Variants in TPD52 observed in about 807,000 individuals in gnomAD.
TPD52 encodes the protein tumor protein D52.
TPD52 carries 17 observed loss-of-function variants against 31.3 expected under a neutral mutation model. The observed-to-expected ratio is 0.54, with a 90% CI of 0.37 to 0.82. The LOEUF (loss-of-function observed/expected upper bound fraction) is 0.82, where lower values mean the gene tolerates loss of function less well. TPD52 is among the 40% of genes least tolerant of loss of function. TPD52 has a pLI of 0.00. For synonymous variants in TPD52, 83 were observed against 89.6 expected, an observed-to-expected ratio of 0.93 and a Z score of 0.42; for missense variants, 212 against 240.1, an observed-to-expected ratio of 0.88 and a Z score of 0.77.
chr8:80,100,227 A>G (rs1405203420), intron 1 of TPD52, among the ~76,000 whole-genome samples: 4 of 152,232 alleles, frequency 2.6e-5, no homozygotes, highest in African/African-American at 9.7e-5. Context: ...ACACAGAAAC[A>G]AGCTCTGAAA....
intron 1 of TPD52, among the ~76,000 whole-genome samples, chr8:80,066,491 T>C (rs1280308977): frequency 2.0e-5 from 3 of 152,222 alleles, no homozygotes; most frequent in Non-Finnish European, 4.4e-5. Context: ...CAATGCATAA[T>C]TGCTTCCGCA....
intron 1 of TPD52, among the ~76,000 whole-genome samples, chr8:80,169,145 G>A (rs1033861730): frequency 6.6e-6 from 1 of 152,046 alleles, no homozygotes; most frequent in Admixed American, 6.6e-5. Flanking sequence ...CCACCGCGCC[G>A]AGCTAATTTT....
chr8:80,171,036 C>T (rs1812048797), intron 1 of TPD52: 5 of 483,950 alleles, frequency 1.0e-5, no homozygotes, highest in South Asian at 8.0e-5. Flanking sequence ...GGGACGAGAG[C>T]GACTCACTGT....
chr8:80,054,249 A>G (rs1811645843), intron 2 of TPD52, among the ~76,000 whole-genome samples: 1 of 152,240 alleles, frequency 6.6e-6, no homozygotes, highest in African/African-American at 2.4e-5. Flanking sequence ...AGGTATAGGT[A>G]GGCTACAGTG....
At chr8:80,072,972 C>T (rs533470902) in intron 1 of TPD52, among the ~76,000 whole-genome samples, 111 of 151,916 alleles carry the variant, frequency 7.3e-4, no homozygotes, top group Non-Finnish European at 1.4e-3. Context: ...GGTGTGGTGG[C>T]GCACACCTGT....
chr8:80,121,094 A>G (rs1808230103), intron 1 of TPD52, among the ~76,000 whole-genome samples: 1 of 151,600 alleles, frequency 6.6e-6, no homozygotes, highest in Non-Finnish European at 1.5e-5. Flanking sequence ...AAAAAAAAAA[A>G]GGAAAAAGAA....
At chr8:80,091,328 G>T (rs1816243403) in intron 1 of TPD52, among the ~76,000 whole-genome samples, 4 of 152,124 alleles carry the variant, frequency 2.6e-5, no homozygotes. Flanking sequence ...AATTAGCTGG[G>T]CGTGGTGGCG....
At chr8:80,170,503 C>A (rs1294561306) in intron 1 of TPD52, among the ~76,000 whole-genome samples, 1 of 152,174 alleles carries the variant, frequency 6.6e-6, no homozygotes, top group Admixed American at 6.5e-5. Flanking sequence ...AAAATGCACA[C>A]ATGACGGCAC....
intron 1 of TPD52, among the ~76,000 whole-genome samples, chr8:80,149,679 G>A (rs1000393567): frequency 1.6e-4 from 24 of 152,230 alleles, no homozygotes; most frequent in African/African-American, 5.5e-4. Context: ...CGTGGTTTCA[G>A]ATGGAGGTGA....
At chr8:80,138,992 G>A (rs1809631611) in intron 1 of TPD52, among the ~76,000 whole-genome samples, 1 of 152,114 alleles carries the variant, frequency 6.6e-6, no homozygotes, top group African/African-American at 2.4e-5. Flanking sequence ...TTCCTCCAGT[G>A]CCTCCACTGA....
chr8:80,154,831 T>C (rs925748347), intron 1 of TPD52, among the ~76,000 whole-genome samples: 2 of 151,962 alleles, frequency 1.3e-5, no homozygotes, highest in Non-Finnish European at 2.9e-5. Flanking sequence ...TTCAGGGTTT[T>C]TTTTCTATTA....
chr8:80,137,533 G>A (rs1362694257), intron 1 of TPD52, among the ~76,000 whole-genome samples: 1 of 152,132 alleles, frequency 6.6e-6, no homozygotes, highest in Non-Finnish European at 1.5e-5. Flanking sequence ...TACCTGCCTA[G>A]ACATTTCTGG....
chr8:80,042,676 G>T lies in TPD52; in HGVS notation c.456-8C>A. ...TTAAAAGTTGGGGAGTTTCTATGGA[G>T]AGAAAAGAAAAACAAATAGTAAATA... On this transcript the variant is annotated splice_region_variant and splice_polypyrimidine_tract_variant and intron_variant, in intron 6 of 7. Coordinates refer to ENST00000518937, the MANE Select transcript of TPD52 (RefSeq NM_001025253.3). The T allele has an allele frequency of 6.2e-7, 1 of 1,605,632 alleles. No individual in the cohort carries two copies. The highest frequency in any genetic ancestry group is 8.5e-7 in the Non-Finnish European group (1 of 1,176,988).
In TPD52 at chr8:80,105,885, C is replaced by A. The variant is rs529719231; in HGVS notation, c.20-41292G>T. Among the ~76,000 whole-genome samples the A allele has an allele frequency of 2.1e-4, 32 of 152,212 alleles. 1 individual carries two copies. The South Asian group carries it at 2.5e-3, about 12-fold the overall frequency. ...TAGCTGGGATTATAGGTGCTCACCA[C>A]CACGCCCAGCTAACTTTTGTATTTT... is the stretch of plus-strand genomic sequence containing the variant. On this transcript the variant is annotated intron_variant, in intron 1 of 7. Transcript: ENST00000518937.
intron 1 of TPD52, among the ~76,000 whole-genome samples, chr8:80,099,111 G>A (rs963192715): frequency 6.6e-6 from 1 of 152,146 alleles, no homozygotes; most frequent in African/African-American, 2.4e-5. Flanking sequence ...CTACAGTATA[G>A]TGTAAACATA....
chr8:80,048,839 T>C (rs185795841), intron 5 of TPD52, among the ~76,000 whole-genome samples: 2 of 152,322 alleles, frequency 1.3e-5, no homozygotes, highest in Non-Finnish European at 2.9e-5. Context: ...TACATACTGA[T>C]GGGCAATTAA....
intron 1 of TPD52, among the ~76,000 whole-genome samples, chr8:80,145,407 G>C (rs1810122468): frequency 6.6e-6 from 1 of 152,196 alleles, no homozygotes; most frequent in Non-Finnish European, 1.5e-5. Context: ...ATTTTCACGG[G>C]AAAGTTGCCT....
chr8:80,161,509 C>T (rs1563671432), intron 1 of TPD52, among the ~76,000 whole-genome samples: 1 of 152,086 alleles, frequency 6.6e-6, no homozygotes, highest in Non-Finnish European at 1.5e-5. Flanking sequence ...GTAAGGCAGT[C>T]TCCTATTCTA....
intron 1 of TPD52, among the ~76,000 whole-genome samples, chr8:80,104,691 T>C (rs1339322310): frequency 4.0e-5 from 6 of 148,980 alleles, no homozygotes; most frequent in African/African-American, 1.0e-4. Context: ...TTTATCTGCA[T>C]GCCCTGAAGG....
Sources: allele counts gnomAD v4.1 joint callset (sites outside exome capture counted in the v4.1 genomes callset), GRCh38; gene constraint gnomAD v4.1.1; transcripts MANE v1.5; gene names NCBI Gene and HGNC (gene_info 2026-07-23, HGNC 2026-07-21).